KCNMA1: variants seen among roughly 807,000 people sequenced by gnomAD.
KCNMA1 encodes Calcium-activated potassium channel subunit alpha-1.
A neutral mutation model predicts 140.0 loss-of-function variants in KCNMA1; 29 were observed. The observed-to-expected ratio is 0.21, with a 90% CI of 0.15 to 0.28. The LOEUF is 0.28. Among genes scored for constraint, KCNMA1 ranks in the 10% least tolerant of loss-of-function variants. The probability of loss-of-function intolerance (pLI) is 1.00; values close to 1 mark genes in which losing one functional copy is unlikely to be tolerated. For synonymous variants in KCNMA1, 612 were observed against 611.9 expected (o/e 1.00, Z 0.00); for missense variants, 880 against 1,602.2 (o/e 0.55, Z 7.70).
intron 2 of KCNMA1, among the ~76,000 whole-genome samples, chr10:77,263,485 C>T (rs1233771237): frequency 6.6e-6 from 1 of 152,148 alleles, no homozygotes; most frequent in Admixed American, 6.6e-5. Context: ...GGCATCTGGT[C>T]CCTAAGACTA....
intron 2 of KCNMA1, among the ~76,000 whole-genome samples, chr10:77,376,122 A>G (rs1315860267): frequency 1.3e-5 from 2 of 152,230 alleles, no homozygotes; most frequent in African/African-American, 4.8e-5. Flanking sequence ...TTCTAGGTCC[A>G]AGAGGCTCTT....
At chr10:77,156,227 TAAAAAAAA>T (rs58950492) in intron 5 of KCNMA1, among the ~76,000 whole-genome samples, 3,636 of 120,570 alleles carry the variant, frequency 0.03, 118 homozygotes, top group East Asian at 0.11. Context: ...GACTCCATCT[TAAAAAAAA>T]AAAAAAAAAA....
chr10:77,183,135 A>C (rs1343606863), intron 5 of KCNMA1, among the ~76,000 whole-genome samples: 2 of 152,168 alleles, frequency 1.3e-5, no homozygotes, highest in Non-Finnish European at 2.9e-5. Flanking sequence ...CCTGAATGAA[A>C]AGTGACAGAA....
At chr10:77,017,974 A>T (rs1251297361) in intron 17 of KCNMA1, among the ~76,000 whole-genome samples, 1 of 152,174 alleles carries the variant, frequency 6.6e-6, no homozygotes, top group East Asian at 1.9e-4. Context: ...AGTATTATTA[A>T]ATTTGGTAGA....
At chr10:77,483,945 A>G (rs2098433211) in intron 1 of KCNMA1, among the ~76,000 whole-genome samples, 1 of 152,200 alleles carries the variant, frequency 6.6e-6, no homozygotes. Context: ...TGACATTTTA[A>G]TAAGGAATCA....
chr10:77,506,318 A>G (rs188307324), intron 1 of KCNMA1, among the ~76,000 whole-genome samples: 148 of 152,206 alleles, frequency 9.7e-4, no homozygotes, highest in Middle Eastern at 3.4e-3. Context: ...TAGGGGTTCA[A>G]CCTAAGGGAG....
chr10:77,089,316 A>G (rs1166394444), intron 10 of KCNMA1, among the ~76,000 whole-genome samples: 1 of 152,162 alleles, frequency 6.6e-6, no homozygotes, highest in East Asian at 1.9e-4. Flanking sequence ...TGGGTAGTCA[A>G]CAGCACGTCA....
chr10:77,635,232 G>A (rs1428118281), intron 1 of KCNMA1: 11 of 152,134 alleles, frequency 7.2e-5, no homozygotes, highest in Non-Finnish European at 1.5e-4. Context: ...TGTGCGATGG[G>A]ATTAGCATTT....
chr10:77,564,258 G>T (rs1379530607), intron 1 of KCNMA1, among the ~76,000 whole-genome samples: 1 of 152,154 alleles, frequency 6.6e-6, no homozygotes, highest in Non-Finnish European at 1.5e-5. Flanking sequence ...AGCCTGAAGT[G>T]GCTCTCACCA....
chr10:77,282,577 T>G (rs2069044000), intron 2 of KCNMA1, among the ~76,000 whole-genome samples: 1 of 152,192 alleles, frequency 6.6e-6, no homozygotes, highest in Admixed American at 6.5e-5. Flanking sequence ...TGTGGGACTT[T>G]GTTGACTAGG....
chr10:77,218,885 T>C (rs577032996), intron 3 of KCNMA1, among the ~76,000 whole-genome samples: 6 of 152,136 alleles, frequency 3.9e-5, no homozygotes, highest in Admixed American at 3.9e-4. Context: ...TGGGATTTCA[T>C]CATGTTGGCC....
intron 2 of KCNMA1, among the ~76,000 whole-genome samples, chr10:77,326,081 G>A (rs1481875561): frequency 6.6e-6 from 1 of 152,208 alleles, no homozygotes; most frequent in Non-Finnish European, 1.5e-5. Flanking sequence ...GTATGGAACA[G>A]GAAATGTGCT....
At chr10:77,309,929 C>T (rs1488002971) in intron 2 of KCNMA1, among the ~76,000 whole-genome samples, 1 of 152,190 alleles carries the variant, frequency 6.6e-6, no homozygotes, top group African/African-American at 2.4e-5. Flanking sequence ...ACAGCTCAAT[C>T]AGCCACACAG....
chr10:77,509,780 G>A (rs1439556925), intron 1 of KCNMA1, among the ~76,000 whole-genome samples: 1 of 152,222 alleles, frequency 6.6e-6, no homozygotes, highest in Non-Finnish European at 1.5e-5. Context: ...AAAAATTAAC[G>A]TTATGTTTTA....
intron 6 of KCNMA1, among the ~76,000 whole-genome samples, chr10:77,117,826 C>T (rs962107214): frequency 2.0e-5 from 3 of 152,138 alleles, no homozygotes; most frequent in Admixed American, 6.6e-5. Context: ...CTTGTCTCCC[C>T]TTTAATTGGC....
chr10:77,018,219 T>C (rs2092408922), intron 17 of KCNMA1, among the ~76,000 whole-genome samples: 2 of 152,148 alleles, frequency 1.3e-5, no homozygotes, highest in Admixed American at 6.6e-5. Context: ...ATGAAGACAA[T>C]AGGCTTATAT....
chr10:77,597,476 C>T (rs2081276698), intron 1 of KCNMA1, among the ~76,000 whole-genome samples: 1 of 151,974 alleles, frequency 6.6e-6, no homozygotes, highest in Non-Finnish European at 1.5e-5. Context: ...ATCACACATA[C>T]CCCATAAATA....
chr10:77,260,623 T>A (rs2061755078), intron 2 of KCNMA1, among the ~76,000 whole-genome samples: 1 of 152,136 alleles, frequency 6.6e-6, no homozygotes. Flanking sequence ...GCATGAAAAT[T>A]GCTTGAACCC....
chr10:77,359,469 C>T (rs2093765996), intron 2 of KCNMA1, among the ~76,000 whole-genome samples: 1 of 152,124 alleles, frequency 6.6e-6, no homozygotes, highest in African/African-American at 2.4e-5. Context: ...CTCAGCCCAA[C>T]CAGAGCGGAG....
Sources: allele counts gnomAD v4.1 joint callset (sites outside exome capture counted in the v4.1 genomes callset), GRCh38; gene constraint gnomAD v4.1.1; transcripts MANE v1.5; gene names NCBI Gene and HGNC (gene_info 2026-07-23, HGNC 2026-07-21).